MAGI1: variants seen among roughly 807,000 people sequenced by gnomAD.
MAGI1 encodes the protein membrane associated guanylate kinase, WW and PDZ domain containing 1, also known as membrane-associated guanylate kinase, WW and PDZ domain-containing protein 1.
MAGI1 carries 58 observed loss-of-function variants against 139.9 expected under a neutral mutation model. That is an observed-to-expected ratio of 0.41 (90% CI 0.34 to 0.52). MAGI1 has a LOEUF of 0.52. Among genes scored for constraint, MAGI1 ranks in the 20% least tolerant of loss-of-function variants. The probability of loss-of-function intolerance (pLI) is 0.12; values close to 1 mark genes in which losing one functional copy is unlikely to be tolerated. For synonymous variants in MAGI1, 812 were observed against 737.9 expected, an observed-to-expected ratio of 1.10 and a Z score of -1.63; for missense variants, 1,874 against 1,901.6, an observed-to-expected ratio of 0.99 and a Z score of 0.27.
intron 1 of MAGI1, among the ~76,000 whole-genome samples, chr3:65,955,788 C>T (rs1433958356): frequency 6.6e-6 from 1 of 152,064 alleles, no homozygotes; most frequent in African/African-American, 2.4e-5. Flanking sequence ...CACCATCAGT[C>T]TCTCAGCAAT....
chr3:65,457,165 C>T (rs1949454902), intron 5 of MAGI1, among the ~76,000 whole-genome samples: 1 of 151,872 alleles, frequency 6.6e-6, no homozygotes, highest in African/African-American at 2.4e-5. Flanking sequence ...TCTGAGTCTT[C>T]CTGTATGTCC....
At chr3:65,552,472 A>G (rs774780835) in intron 2 of MAGI1, among the ~76,000 whole-genome samples, 2 of 152,210 alleles carry the variant, frequency 1.3e-5, no homozygotes, top group Non-Finnish European at 2.9e-5. Context: ...TGAAGCAGCC[A>G]GCAAAATTCC....
intron 12 of MAGI1, among the ~76,000 whole-genome samples, chr3:65,407,005 A>G (rs1223782388): frequency 6.6e-6 from 1 of 152,196 alleles, no homozygotes; most frequent in African/African-American, 2.4e-5. Flanking sequence ...AAAACCTATC[A>G]ATGCATAATT....
intron 1 of MAGI1, among the ~76,000 whole-genome samples, chr3:65,766,522 C>T (rs577597145): frequency 2.4e-4 from 37 of 152,242 alleles, no homozygotes; most frequent in African/African-American, 6.7e-4. Context: ...CTTAGGCCTC[C>T]GAAAGTGCTG....
At chr3:65,461,054 G>A (rs111800620) in intron 5 of MAGI1, among the ~76,000 whole-genome samples, 84,336 of 151,746 alleles carry the variant, frequency 0.56, 24,500 homozygotes, top group East Asian at 0.94. Flanking sequence ...AATCCTTTGG[G>A]TATATACCCA....
intron 10 of MAGI1, among the ~76,000 whole-genome samples, chr3:65,431,182 A>G (rs1386625578): frequency 6.6e-6 from 1 of 152,166 alleles, no homozygotes; most frequent in Non-Finnish European, 1.5e-5. Context: ...ATGCACTTTG[A>G]CAGGAATTGA....
chr3:65,758,795 T>A (rs1374157073), intron 1 of MAGI1, among the ~76,000 whole-genome samples: 3 of 152,106 alleles, frequency 2.0e-5, no homozygotes, highest in Non-Finnish European at 2.9e-5. Context: ...GTTGCCTTCA[T>A]TCAATGAGGG....
At chr3:65,775,500 GCCAAAA>G (rs1321168934) in intron 1 of MAGI1, among the ~76,000 whole-genome samples, 42 of 32,548 alleles carry the variant, frequency 1.3e-3, no homozygotes, top group Admixed American at 2.1e-3. Context: ...CACCCACTCT[GCCAAAA>G]AAAAAAAAAA....
intron 1 of MAGI1, among the ~76,000 whole-genome samples, chr3:65,710,269 C>CTTTTTTTTT (rs1175790063): frequency 3.0e-5 from 2 of 66,876 alleles, no homozygotes; most frequent in African/African-American, 6.4e-5. Flanking sequence ...CCTTACATTT[C>CTTTTTTTTT]TTTTTTTTTT....
chr3:66,003,767 C>G (rs1428962793), intron 1 of MAGI1: 1 of 152,124 alleles, frequency 6.6e-6, no homozygotes, highest in African/African-American at 2.4e-5. Context: ...CCGCACCTGG[C>G]CAGCTTCAAC....
chr3:65,906,904 T>A (rs1157089652), intron 1 of MAGI1, among the ~76,000 whole-genome samples: 1 of 149,780 alleles, frequency 6.7e-6, no homozygotes, highest in Non-Finnish European at 1.5e-5. Context: ...AAAAAAAATC[T>A]ACAGACATCC....
At chr3:65,974,847 G>A (rs918010881) in intron 1 of MAGI1, among the ~76,000 whole-genome samples, 2 of 152,118 alleles carry the variant, frequency 1.3e-5, no homozygotes, top group Non-Finnish European at 1.5e-5. Flanking sequence ...GAAGTGAAAC[G>A]CCATCATTAG....
intron 2 of MAGI1, among the ~76,000 whole-genome samples, chr3:65,608,292 T>C (rs1028605075): frequency 6.6e-6 from 1 of 151,826 alleles, no homozygotes; most frequent in Non-Finnish European, 1.5e-5. Context: ...AAATACAAAA[T>C]TAGCCAGGCA....
chr3:65,606,805 G>A (rs144715158), intron 2 of MAGI1, among the ~76,000 whole-genome samples: 2,333 of 151,886 alleles, frequency 0.015, 61 homozygotes, highest in African/African-American at 0.051. Flanking sequence ...GGTGTGAGCC[G>A]CCGCACCCAG....
At chr3:65,392,222 G>C (rs1943981855) in intron 13 of MAGI1, among the ~76,000 whole-genome samples, 1 of 152,144 alleles carries the variant, frequency 6.6e-6, no homozygotes, top group East Asian at 1.9e-4. Context: ...TTTACAAAAA[G>C]CTCTGTTAGA....
intron 1 of MAGI1, among the ~76,000 whole-genome samples, chr3:65,762,998 T>C (rs1180758966): frequency 1.3e-5 from 2 of 152,176 alleles, no homozygotes; most frequent in Non-Finnish European, 2.9e-5. Flanking sequence ...AAAGTAGGGA[T>C]GGTACATTTT....
intron 1 of MAGI1, among the ~76,000 whole-genome samples, chr3:65,699,847 T>A (rs2089476184): frequency 6.7e-6 from 1 of 150,078 alleles, no homozygotes; most frequent in Non-Finnish European, 1.5e-5. Context: ...CTGCACAATG[T>A]GCACATGTAC....
intron 2 of MAGI1, among the ~76,000 whole-genome samples, chr3:65,603,850 G>A (rs1377112719): frequency 6.6e-6 from 1 of 152,128 alleles, no homozygotes; most frequent in Admixed American, 6.5e-5. Context: ...CCCCAGAAGG[G>A]TAATGATGGG....
intron 1 of MAGI1, among the ~76,000 whole-genome samples, chr3:65,903,198 TG>T (rs1470630855): frequency 1.1e-4 from 16 of 152,194 alleles, no homozygotes; most frequent in Non-Finnish European, 7.3e-5. Context: ...GTCTCTATGG[TG>T]CCCAGGCTGG....
Sources: allele counts gnomAD v4.1 joint callset (sites outside exome capture counted in the v4.1 genomes callset), GRCh38; gene constraint gnomAD v4.1.1; transcripts MANE v1.5; gene names NCBI Gene and HGNC (gene_info 2026-07-23, HGNC 2026-07-21).